Variants in NARS2 observed in about 807,000 individuals in gnomAD.
The protein encoded by NARS2 is asparaginyl-tRNA synthetase.
A neutral mutation model predicts 62.9 loss-of-function variants in NARS2; 60 were observed. The observed-to-expected ratio is 0.95, with a 90% CI of 0.77 to 1.18. NARS2 has a LOEUF of 1.18. Among genes scored for constraint, NARS2 ranks in the 50% most tolerant of loss-of-function variants. NARS2 has a pLI of 0.00. For missense variants in NARS2, 619 were observed against 576.4 expected (o/e 1.07, Z -0.76); for synonymous variants, 196 against 200.0 (o/e 0.98, Z 0.17).
chr11:78,473,213 AAAC>A (rs1397629990), intron 9 of NARS2, among the ~76,000 whole-genome samples: 2 of 152,216 alleles, frequency 1.3e-5, no homozygotes, highest in African/African-American at 2.4e-5. Context: ...TCTTCCTTTC[AAAC>A]AACAAAAGGA....
At chr11:78,512,466 A>C (rs917643229) in intron 6 of NARS2, among the ~76,000 whole-genome samples, 1 of 152,194 alleles carries the variant, frequency 6.6e-6, no homozygotes, top group African/African-American at 2.4e-5. Context: ...CAGTGCCTGC[A>C]CAGGAGTAAA....
chr11:78,449,098 G>A (rs1857868643), intron 11 of NARS2, among the ~76,000 whole-genome samples: 1 of 150,848 alleles, frequency 6.6e-6, no homozygotes, highest in Admixed American at 6.6e-5. Flanking sequence ...TTGTGTAACT[G>A]GAAGTTTCTA....
intron 5 of NARS2, among the ~76,000 whole-genome samples, chr11:78,556,232 CAT>C (rs1251757463): frequency 6.6e-6 from 1 of 152,144 alleles, no homozygotes; most frequent in Non-Finnish European, 1.5e-5. Context: ...AGTCAGGTCA[CAT>C]ATTCATTTTG....
At chr11:78,500,952 C>T (rs567776360) in intron 6 of NARS2, among the ~76,000 whole-genome samples, 7 of 152,114 alleles carry the variant, frequency 4.6e-5, no homozygotes, top group East Asian at 3.9e-4. Context: ...ATTAGCCAAG[C>T]GTGGTGGCAT....
intron 4 of NARS2, among the ~76,000 whole-genome samples, chr11:78,563,215 ATTTTTT>A (rs71046983): frequency 4.3e-5 from 5 of 115,708 alleles, no homozygotes; most frequent in Non-Finnish European, 6.8e-5. Flanking sequence ...AACCACTTGA[ATTTTTT>A]TTTTTTTTTT....
intron 2 of NARS2, among the ~76,000 whole-genome samples, chr11:78,569,848 C>T (rs1308266746): frequency 2.6e-5 from 4 of 152,150 alleles, no homozygotes; most frequent in Admixed American, 1.3e-4. Flanking sequence ...CATGTGATTG[C>T]TATACTGATA....
At chr11:78,565,986 A>T in intron 4 of NARS2, 146 bp downstream of exon 4, 2 of 619,070 alleles carry the variant, frequency 3.2e-6, no homozygotes, top group African/African-American at 1.9e-5. Context: ...ATGTAGAGTC[A>T]AGAAACCATA....
chr11:78,437,639 T>C lies in NARS2; in HGVS notation c.1290-825A>G, dbSNP rs146370394. On this transcript the variant is annotated intron_variant, in intron 13 of 13. Coordinates refer to ENST00000281038, the MANE Select transcript of NARS2 (RefSeq NM_024678.6). ...AAGGGCAACTATAAATATTTTATTA[T>C]GTCATTTTGTGGGGAAATTCTTGAG... Among the ~76,000 whole-genome samples, 29 of 152,306 alleles carry C rather than the reference T, an allele frequency of 1.9e-4. No homozygotes were observed. In the East Asian group the frequency reaches 5.0e-3, roughly 26 times the overall value.
intron 9 of NARS2, among the ~76,000 whole-genome samples, chr11:78,473,716 A>G (rs914298046): frequency 6.6e-6 from 1 of 152,226 alleles, no homozygotes; most frequent in Non-Finnish European, 1.5e-5. Flanking sequence ...AGCCCAGGCT[A>G]AAGCAGATAT....
At chr11:78,521,081 A>G (rs1203747193) in intron 6 of NARS2, among the ~76,000 whole-genome samples, 1 of 150,964 alleles carries the variant, frequency 6.6e-6, no homozygotes, top group African/African-American at 2.4e-5. Flanking sequence ...AAAAAAGTAG[A>G]AGAATGATGG....
At chr11:78,440,343 C>T (rs1470506461) in intron 13 of NARS2, among the ~76,000 whole-genome samples, 6 of 152,018 alleles carry the variant, frequency 3.9e-5, no homozygotes, top group African/African-American at 9.7e-5. Flanking sequence ...GGATTACAGG[C>T]GTGAGCCACC....
chr11:78,504,434 GTTTTT>G (rs758781275), intron 6 of NARS2, among the ~76,000 whole-genome samples: 7 of 61,430 alleles, frequency 1.1e-4, no homozygotes, highest in Admixed American at 6.8e-4. Flanking sequence ...CAAAACACCA[GTTTTT>G]TTTTTTTTTT....
chr11:78,508,550 C>T (rs576594741), intron 6 of NARS2, among the ~76,000 whole-genome samples: 35 of 150,260 alleles, frequency 2.3e-4, no homozygotes, highest in Non-Finnish European at 4.0e-4. Flanking sequence ...GATCATGACA[C>T]TGCACTCCAG....
chr11:78,494,439 A>AT (rs1859967705), intron 6 of NARS2, among the ~76,000 whole-genome samples: 4 of 147,336 alleles, frequency 2.7e-5, no homozygotes, highest in Non-Finnish European at 6.0e-5. Context: ...AAATAGATGG[A>AT]TTTTGTATAT....
chr11:78,484,077 A>G (rs1257338259), intron 7 of NARS2, among the ~76,000 whole-genome samples: 1 of 152,220 alleles, frequency 6.6e-6, no homozygotes, highest in African/African-American at 2.4e-5. Context: ...GACCTCAGAA[A>G]TAACACCACA....
chr11:78,539,001 A>C (rs990463593), intron 5 of NARS2, among the ~76,000 whole-genome samples: 4 of 29,242 alleles, frequency 1.4e-4, no homozygotes, highest in Admixed American at 7.3e-4. Context: ...TCTCAAAAAA[A>C]AAAAAAAAAA....
intron 5 of NARS2, chr11:78,546,433 G>T (rs189191762): frequency 3.7e-4 from 56 of 152,316 alleles, no homozygotes; most frequent in Admixed American, 3.7e-3. Flanking sequence ...ATGTGGGACT[G>T]GGAAGCATAG....
At chr11:78,456,103 T>C (rs549178212) in intron 11 of NARS2, among the ~76,000 whole-genome samples, 5 of 152,318 alleles carry the variant, frequency 3.3e-5, no homozygotes, top group African/African-American at 1.2e-4. Flanking sequence ...ACTCCCTAAA[T>C]GTCTTTTCCT....
intron 7 of NARS2, among the ~76,000 whole-genome samples, chr11:78,489,447 C>T (rs1859722801): frequency 6.6e-6 from 1 of 152,258 alleles, no homozygotes; most frequent in South Asian, 2.1e-4. Flanking sequence ...GTACTTGGTA[C>T]TAATGAAGAA....
Sources: gnomAD v4.1 joint callset for allele counts (sites outside exome capture counted in the v4.1 genomes callset) on GRCh38, gnomAD v4.1.1 for gene constraint, MANE v1.5 for transcripts, NCBI Gene and HGNC (gene_info 2026-07-23, HGNC 2026-07-21) for gene names.